The following STOX2 variants were observed in gnomAD, a reference collection of about 807,000 sequenced individuals.
The protein encoded by STOX2 is storkhead-box protein 2.
STOX2 carries 28 observed loss-of-function variants against 60.9 expected under a neutral mutation model. That is an observed-to-expected ratio of 0.46 (90% confidence interval 0.34 to 0.63). The LOEUF (loss-of-function observed/expected upper bound fraction) is 0.63. Ranked by LOEUF, STOX2 falls within the 30% of genes least tolerant of loss-of-function variation. The pLI, the probability that STOX2 is intolerant of heterozygous loss-of-function variation, is 0.01. For missense variants in STOX2, 1,024 were observed against 1,187.7 expected (o/e 0.86, Z 2.03); for synonymous variants, 472 against 463.9 (o/e 1.02, Z -0.22).
intron 1 of STOX2, among the ~76,000 whole-genome samples, chr4:183,867,823 G>A (rs967746134): frequency 1.3e-5 from 2 of 152,230 alleles, no homozygotes; most frequent in Non-Finnish European, 2.9e-5. Flanking sequence ...GTACCTCACA[G>A]CCCCAAGGGG....
intron 1 of STOX2, among the ~76,000 whole-genome samples, chr4:183,999,564 T>G (rs1447486158): frequency 6.6e-6 from 1 of 152,038 alleles, no homozygotes; most frequent in Non-Finnish European, 1.5e-5. Context: ...GGGAGCCCCA[T>G]GTGGTCCAGG....
At chr4:183,971,328 A>G (rs1422338689) in intron 1 of STOX2, among the ~76,000 whole-genome samples, 2 of 152,184 alleles carry the variant, frequency 1.3e-5, no homozygotes, top group Admixed American at 1.3e-4. Flanking sequence ...TGTGACGTGG[A>G]TAGGAGAGGT....
At chr4:183,949,031 G>C (rs1742988834) in intron 1 of STOX2, among the ~76,000 whole-genome samples, 1 of 152,072 alleles carries the variant, frequency 6.6e-6, no homozygotes, top group South Asian at 2.1e-4. Context: ...AATAATAAGT[G>C]ATATCCACTA....
intron 1 of STOX2, among the ~76,000 whole-genome samples, chr4:183,949,454 C>A (rs993732279): frequency 1.3e-5 from 2 of 151,986 alleles, no homozygotes; most frequent in African/African-American, 4.8e-5. Flanking sequence ...AATCCCAGCA[C>A]TTAGGGAGGC....
chr4:183,936,031 A>G (rs1345890697), intron 1 of STOX2, among the ~76,000 whole-genome samples: 1 of 152,240 alleles, frequency 6.6e-6, no homozygotes, highest in Non-Finnish European at 1.5e-5. Flanking sequence ...AAAAAGCGTT[A>G]CTTCTTTAAA....
chr4:183,995,090 A>G (rs1052547659), intron 1 of STOX2, among the ~76,000 whole-genome samples: 3 of 152,124 alleles, frequency 2.0e-5, no homozygotes, highest in African/African-American at 7.2e-5. Context: ...ACATAGTTTT[A>G]TGTTGGCTTT....
intron 1 of STOX2, among the ~76,000 whole-genome samples, chr4:183,898,624 G>T (rs995327994): frequency 2.0e-5 from 3 of 152,158 alleles, no homozygotes; most frequent in African/African-American, 7.2e-5. Context: ...ATGCCAAGAA[G>T]GGCGATTGGG....
At chr4:183,879,311 G>A (rs1215942015) in intron 1 of STOX2, among the ~76,000 whole-genome samples, 3 of 152,040 alleles carry the variant, frequency 2.0e-5, no homozygotes, top group South Asian at 4.2e-4. Flanking sequence ...TTCTGCTCTC[G>A]GCCCATACAT....
intron 1 of STOX2, among the ~76,000 whole-genome samples, chr4:183,977,559 G>GTGTGTGTGTGTGTGTGTGTGTGTT: frequency 6.6e-6 from 1 of 152,038 alleles, no homozygotes; most frequent in Non-Finnish European, 1.5e-5. Flanking sequence ...GTGTGTGTGT[G>GTGTGTGTGTGTGTGTGTGTGTGTT]TGTGTATCAC....
At chr4:183,983,392 T>C (rs1732726433) in intron 1 of STOX2, among the ~76,000 whole-genome samples, 1 of 152,256 alleles carries the variant, frequency 6.6e-6, no homozygotes, top group African/African-American at 2.4e-5. Context: ...ATCGTTACTG[T>C]GACCTCAGCC....
intron 1 of STOX2, among the ~76,000 whole-genome samples, chr4:183,981,030 G>A (rs968271166): frequency 1.3e-5 from 2 of 152,202 alleles, no homozygotes; most frequent in African/African-American, 4.8e-5. Context: ...CAGAAATACT[G>A]ATGATAGTTT....
chr4:183,855,865 C>G (rs538301983), intron 1 of STOX2, among the ~76,000 whole-genome samples: 1 of 152,262 alleles, frequency 6.6e-6, no homozygotes, highest in African/African-American at 2.4e-5. Context: ...ATCCTGGCTT[C>G]TTTTTGAAGT....
Position 184,001,624 on chromosome 4 carries a change from T to A in STOX2, c.319+147T>A. 2.7e-6 allele frequency: 2 copies of A among 751,902 alleles called. No homozygotes were observed. Among genetic ancestry groups the A allele is most frequent in the Non-Finnish European group, 2.0e-6 (1 of 509,892 alleles). The allele number at this position is 751,902 out of a possible 1,614,324, so 46.6% of individuals were successfully genotyped here. A position where few individuals can be genotyped will look rare whatever the true frequency, so the allele number is the denominator to read the frequency against. The stretch of plus-strand genomic sequence containing the variant: ...CCGAAGCTTTCCTTACTTCTGTAAT[T>A]AAAAATTCAGGCACCTGCATGACAT... On this transcript the variant is annotated intron_variant, in intron 2 of 3. Transcript: ENST00000308497. The surrounding 1 kb of genome is among the most constrained non-coding windows in gnomAD (Gnocchi z 4.2).
intron 1 of STOX2, among the ~76,000 whole-genome samples, chr4:183,898,716 A>C (rs1314131592): frequency 1.3e-5 from 2 of 152,152 alleles, no homozygotes; most frequent in African/African-American, 2.4e-5. Context: ...GACAATGAAA[A>C]TGACAGGGAG....
chr4:184,011,423 G>A lies in STOX2; in HGVS notation c.2585G>A (p.Arg862His), dbSNP rs1252539753. The A allele has an allele frequency of 3.1e-6, 5 of 1,607,752 alleles. No individual in the cohort carries two copies. The highest frequency in any genetic ancestry group is 4.2e-6 in the Non-Finnish European group (5 of 1,176,798). ...ITVDSGFNSP[R>H]TRESLASNTS... Reference sequence around the variant, plus strand: ...GTGGACAGTGGATTCAACTCCCCACGGTAGGGAGAGGTGTCTCTGTGCACA... The same window carrying A: ...GTGGACAGTGGATTCAACTCCCCACAGTAGGGAGAGGTGTCTCTGTGCACA... The change falls in exon 3 of 4, where the codon CGT becomes CAT. Residue 862 changes from arginine to histidine, a missense_variant and splice_region_variant. Transcript: ENST00000308497. This position sits in a 1 kb window ranked among gnomAD's most constrained non-coding sequence, Gnocchi z 4.4.
In STOX2 at chr4:184,017,279, G is replaced by A. The variant is rs1295419316; in HGVS notation, c.2776G>A (p.Val926Met). The A allele has an allele frequency of 1.3e-6, 2 of 1,589,906 alleles. No homozygotes were observed. The highest frequency in any genetic ancestry group is 1.1e-5 in the South Asian group (1 of 87,236). The change falls in exon 4 of 4, where the codon GTG becomes ATG. Residue 926 changes from valine (V) to methionine (M), a missense_variant. Physicochemically the swap from Val to Met is conservative, Grantham distance 21. Around this residue, in one of 3 missense-constraint regions of STOX2, gnomAD observed 922 missense variants for 1,058.3 expected, o/e 0.87. Coordinates refer to ENST00000308497, the MANE Select transcript of STOX2 (RefSeq NM_020225.3). ...SNCLQASVTS[V>M] The stretch of plus-strand genomic sequence containing the variant: ...CTGCTTGCAAGCTTCTGTTACTAGC[G>A]TGTGATTGTCCTTCTGCCTCAGATC...
rs149714149 is a variant in STOX2 at position 183,809,654 on chromosome 4, C to A, written c.364+11599C>A. Among the ~76,000 whole-genome samples, 233 of 152,302 alleles carry A rather than the reference C, an allele frequency of 1.5e-3. 2 individuals are homozygous for A. The highest frequency in any genetic ancestry group is 5.5e-3 in the African/African-American group (228 of 41,570). The stretch of plus-strand genomic sequence containing the variant: ...CCTCGTGATCTGCCCACCTCAGCCT[C>A]CCAAAGTGCTGAAATTACAGGTGTG... On this transcript the variant is annotated intron_variant, in intron 1 of 2. Coordinates refer to the STOX2 transcript ENST00000513034.
intron 1 of STOX2, among the ~76,000 whole-genome samples, chr4:183,927,283 C>G (rs2111109298): frequency 6.6e-6 from 1 of 152,316 alleles, no homozygotes; most frequent in East Asian, 1.9e-4. Context: ...GCCTCTGTGT[C>G]TCATGTGTAA....
At chr4:183,966,088 T>C (rs990757686) in intron 1 of STOX2, among the ~76,000 whole-genome samples, 1 of 150,710 alleles carries the variant, frequency 6.6e-6, no homozygotes, top group African/African-American at 2.4e-5. Flanking sequence ...GAGGGAGAGA[T>C]TGAGAAAGAC....
Sources: allele counts gnomAD v4.1 joint callset (sites outside exome capture counted in the v4.1 genomes callset), GRCh38; gene constraint gnomAD v4.1.1; regional missense constraint gnomAD v4.1.1; non-coding constraint Gnocchi (gnomAD v3.1); transcripts MANE v1.5; gene names NCBI Gene and HGNC (gene_info 2026-07-23, HGNC 2026-07-21).